FNDC3A: variants seen among roughly 807,000 people sequenced by gnomAD.
FNDC3A encodes the protein fibronectin type III domain containing 3A, also known as fibronectin type-III domain-containing protein 3A.
In FNDC3A, 32 loss-of-function variants were observed where a neutral mutation model predicts 148.9. The ratio of observed to expected loss-of-function variants is 0.21; its 90% CI spans 0.16 to 0.29. The LOEUF is 0.29. Ranked by LOEUF, FNDC3A falls within the 10% of genes least tolerant of loss-of-function variation. The pLI is 1.00. For synonymous variants in FNDC3A, 472 were observed against 473.6 expected, an observed-to-expected ratio of 1.00 and a Z score of 0.04; for missense variants, 1,191 against 1,452.8, an observed-to-expected ratio of 0.82 and a Z score of 2.93.
At chr13:49,042,288 C>T (rs1444211143) in intron 2 of FNDC3A, among the ~76,000 whole-genome samples, 1 of 151,920 alleles carries the variant, frequency 6.6e-6, no homozygotes, top group Non-Finnish European at 1.5e-5. Flanking sequence ...TACTTTTTTT[C>T]TTGTATTTTT....
At chr13:49,152,625 G>A (rs1390115961) in intron 8 of FNDC3A, among the ~76,000 whole-genome samples, 2 of 151,696 alleles carry the variant, frequency 1.3e-5, no homozygotes, top group African/African-American at 4.8e-5. Flanking sequence ...CCACTAACTC[G>A]TCATCTAGCA....
At chr13:49,168,202 A>G (rs1435228907) in intron 9 of FNDC3A, among the ~76,000 whole-genome samples, 1 of 152,204 alleles carries the variant, frequency 6.6e-6, no homozygotes, top group Non-Finnish European at 1.5e-5. Flanking sequence ...TACTATGGAT[A>G]TACTCAAAGT....
At chr13:49,093,593 C>T (rs1017461056) in intron 3 of FNDC3A, among the ~76,000 whole-genome samples, 4 of 152,134 alleles carry the variant, frequency 2.6e-5, no homozygotes, top group Non-Finnish European at 4.4e-5. Flanking sequence ...GACTCAGCTG[C>T]GACCTGAACT....
At chr13:49,060,092 T>G (rs1236627189) in intron 2 of FNDC3A, among the ~76,000 whole-genome samples, 1 of 152,148 alleles carries the variant, frequency 6.6e-6, no homozygotes, top group East Asian at 1.9e-4. Flanking sequence ...ATGGAGAAGT[T>G]TGGTGGTTCC....
chr13:48,996,288 A>T (rs549691469), intron 1 of FNDC3A, among the ~76,000 whole-genome samples: 1 of 152,298 alleles, frequency 6.6e-6, no homozygotes, highest in African/African-American at 2.4e-5. Flanking sequence ...GTTCATGTGT[A>T]TGTTTAAAAA....
chr13:49,133,047 C>T lies in FNDC3A; in HGVS notation c.490+1673C>T, dbSNP rs116969207. Among the ~76,000 whole-genome samples the T allele has an allele frequency of 2.5e-3, 378 of 152,276 alleles. 2 individuals are homozygous for T. The highest frequency in any genetic ancestry group is 5.5e-3 in the Admixed American group (84 of 15,290). ...AACTTCAAATACAAAATTGAAATTA[C>T]ACAACACAGCCTGTAAATAGTGGAT... is the stretch of plus-strand genomic sequence containing the variant. On this transcript the variant is annotated intron_variant, in intron 5 of 25. Transcript: ENST00000492622.
chr13:49,082,628 G>A (rs1462014158), intron 3 of FNDC3A, among the ~76,000 whole-genome samples: 1 of 152,132 alleles, frequency 6.6e-6, no homozygotes, highest in East Asian at 1.9e-4. Flanking sequence ...AATATAGGCA[G>A]TGCACTAGTG....
intron 3 of FNDC3A, among the ~76,000 whole-genome samples, chr13:49,091,603 T>A (rs1473217430): frequency 6.6e-6 from 1 of 152,232 alleles, no homozygotes; most frequent in Non-Finnish European, 1.5e-5. Context: ...AAAGGGACTG[T>A]AGTGCTGCAG....
intron 2 of FNDC3A, among the ~76,000 whole-genome samples, chr13:49,057,155 A>G (rs1328777953): frequency 6.6e-6 from 1 of 152,220 alleles, no homozygotes; most frequent in East Asian, 1.9e-4. Flanking sequence ...TATAGCTAAT[A>G]TAGATTTAGT....
intron 2 of FNDC3A, among the ~76,000 whole-genome samples, chr13:49,070,412 T>C (rs1010024143): frequency 3.9e-5 from 6 of 152,326 alleles, no homozygotes; most frequent in South Asian, 2.1e-4. Flanking sequence ...GTAATTGATA[T>C]AAAAATATGA....
intron 7 of FNDC3A, among the ~76,000 whole-genome samples, chr13:49,144,788 C>G (rs1882898514): frequency 6.6e-6 from 1 of 152,196 alleles, no homozygotes; most frequent in South Asian, 2.1e-4. Context: ...TTGTACAGTA[C>G]ATTTTCAGAC....
chr13:49,186,242 GGT>G, intron 15 of FNDC3A, 140 bp downstream of exon 15: 1 of 658,396 alleles, frequency 1.5e-6, no homozygotes, highest in Non-Finnish European at 2.5e-6. Context: ...TCATTCATTG[GGT>G]ATGTTTTTTG....
At chr13:49,105,615 A>G (rs1880126208) in intron 3 of FNDC3A, among the ~76,000 whole-genome samples, 1 of 152,236 alleles carries the variant, frequency 6.6e-6, no homozygotes, top group Non-Finnish European at 1.5e-5. Context: ...TGACTAATAG[A>G]CATTTCTAAC....
chr13:49,012,176 C>T (rs376874443), intron 2 of FNDC3A, among the ~76,000 whole-genome samples: 8 of 151,628 alleles, frequency 5.3e-5, no homozygotes, highest in East Asian at 1.9e-4. Flanking sequence ...AGTGCAGTGG[C>T]GCGATCTCGG....
At chr13:49,182,721 A>G (rs1885371666) in intron 14 of FNDC3A, among the ~76,000 whole-genome samples, 1 of 152,062 alleles carries the variant, frequency 6.6e-6, no homozygotes, top group African/African-American at 2.4e-5. Context: ...AACTACTTTT[A>G]TGTTCCATCC....
At chr13:49,181,961 G>A (rs1239224885) in intron 14 of FNDC3A, among the ~76,000 whole-genome samples, 1 of 151,786 alleles carries the variant, frequency 6.6e-6, no homozygotes, top group Non-Finnish European at 1.5e-5. Flanking sequence ...TGATAAAGAA[G>A]AATGAAAATA....
At chr13:48,979,400 G>A (rs1951660097) in intron 1 of FNDC3A, among the ~76,000 whole-genome samples, 1 of 152,138 alleles carries the variant, frequency 6.6e-6, no homozygotes, top group South Asian at 2.1e-4. Flanking sequence ...CATTTGGAGG[G>A]AGTCAGAGGA....
intron 5 of FNDC3A, among the ~76,000 whole-genome samples, chr13:49,135,816 G>A (rs1882322650): frequency 6.6e-6 from 1 of 152,114 alleles, no homozygotes; most frequent in Admixed American, 6.5e-5. Flanking sequence ...TACATTATAT[G>A]TAGATTGTTA....
chr13:48,996,813 G>C (rs1952032118), intron 1 of FNDC3A, among the ~76,000 whole-genome samples: 1 of 152,140 alleles, frequency 6.6e-6, no homozygotes, highest in Non-Finnish European at 1.5e-5. Flanking sequence ...TGTAATCCCA[G>C]CACTTTGGGA....
Sources: gnomAD v4.1 joint callset for allele counts (sites outside exome capture counted in the v4.1 genomes callset) on GRCh38, gnomAD v4.1.1 for gene constraint, MANE v1.5 for transcripts, NCBI Gene and HGNC (gene_info 2026-07-23, HGNC 2026-07-21) for gene names.